Variants in AP1S2 observed in about 807,000 individuals in gnomAD.
AP1S2 encodes adaptor related protein complex 1 subunit sigma 2.
A neutral mutation model predicts 14.3 loss-of-function variants in AP1S2; 1 was observed. The observed-to-expected ratio is 0.07, with a 90% confidence interval of 0.02 to 0.33. The LOEUF (loss-of-function observed/expected upper bound fraction) is 0.33. Among genes scored for constraint, AP1S2 ranks in the 10% least tolerant of loss-of-function variants. The pLI, the probability that AP1S2 is intolerant of heterozygous loss-of-function variation, is 0.99. For synonymous variants in AP1S2, 30 were observed against 40.5 expected (o/e 0.74, Z 0.99); for missense variants, 30 against 117.7 (o/e 0.25, Z 3.45).
chrX:15,837,198 A>G (rs56876815), intron 4 of AP1S2, among the ~76,000 whole-genome samples: 1,687 of 112,187 alleles, frequency 0.015, 25 homozygotes, highest in African/African-American at 0.052. Flanking sequence ...AATTTCAAAT[A>G]CTCAAATGCT....
At chrX:15,839,556 C>T (rs1933762050) in intron 4 of AP1S2, among the ~76,000 whole-genome samples, 1 of 107,739 alleles carries the variant, frequency 9.3e-6, no homozygotes, top group Admixed American at 1.0e-4. Flanking sequence ...TCATGGCTCA[C>T]TATAGCCTGG....
chrX:15,843,419 G>A (rs1483849412), intron 4 of AP1S2, among the ~76,000 whole-genome samples: 1 of 111,157 alleles, frequency 9.0e-6, no homozygotes, highest in Non-Finnish European at 1.9e-5. Flanking sequence ...GCCAGGCATG[G>A]TAGTGCAAGC....
At chrX:15,838,393 ATTTTTAT>A (rs1230901397) in intron 4 of AP1S2, among the ~76,000 whole-genome samples, 1 of 111,446 alleles carries the variant, frequency 9.0e-6, no homozygotes, top group Non-Finnish European at 1.9e-5. Context: ...CAGAATGGGA[ATTTTTAT>A]TTTTAAAAAA....
chrX:15,828,255 T>A, intron 4 of AP1S2, 55 bp from the exon 5 acceptor site: 3 of 959,726 alleles, frequency 3.1e-6, no homozygotes, highest in Non-Finnish European at 4.2e-6. Context: ...AAACCATAAA[T>A]CTTTAGAATA....
At chrX:15,838,001 C>T in intron 4 of AP1S2, among the ~76,000 whole-genome samples, 1 of 111,861 alleles carries the variant, frequency 8.9e-6, no homozygotes. Context: ...CTTATTTATA[C>T]TGTGGTCTAC....
At chrX:15,838,549 A>G (rs1036747336) in intron 4 of AP1S2, among the ~76,000 whole-genome samples, 1 of 108,971 alleles carries the variant, frequency 9.2e-6, no homozygotes, top group Non-Finnish European at 1.9e-5. Flanking sequence ...GTCCCTGTGC[A>G]GGTTCCAACC....
intron 4 of AP1S2, among the ~76,000 whole-genome samples, chrX:15,839,094 C>T (rs369699155): frequency 7.9e-4 from 88 of 112,089 alleles, no homozygotes; most frequent in Admixed American, 1.2e-3. Context: ...ATTTGTCCTG[C>T]TTTCTGCCCT....
chrX:15,832,448 G>A (rs1346509866), intron 4 of AP1S2: 58 of 712,577 alleles, frequency 8.1e-5, no homozygotes, highest in Non-Finnish European at 9.3e-5. Context: ...AATTACAAAC[G>A]TATCTGAGGA....
chrX:15,840,860 G>A (rs1435121176), intron 4 of AP1S2, among the ~76,000 whole-genome samples: 1 of 111,768 alleles, frequency 8.9e-6, no homozygotes, highest in Non-Finnish European at 1.9e-5. Context: ...GGCATGTTAA[G>A]ACAGCCAAAC....
intron 1 of AP1S2, chrX:15,852,867 C>T (rs1007820579): frequency 4.9e-5 from 37 of 749,328 alleles, no homozygotes; most frequent in Non-Finnish European, 5.7e-5. Context: ...ATACATTGCG[C>T]ACTCTCTATA....
chrX:15,829,440 T>C (rs1933360192), intron 4 of AP1S2, among the ~76,000 whole-genome samples: 1 of 111,788 alleles, frequency 8.9e-6, no homozygotes, highest in Non-Finnish European at 1.9e-5. Context: ...AGCTTCTCCA[T>C]GTAAAAATGC....
intron 1 of AP1S2, among the ~76,000 whole-genome samples, chrX:15,854,230 G>C (rs895742914): frequency 3.6e-5 from 4 of 111,837 alleles, no homozygotes; most frequent in Non-Finnish European, 5.7e-5. Context: ...GCGCGGGCTC[G>C]GGGCCAGCGT....
chrX:15,852,418 T>C lies in AP1S2; in HGVS notation c.107A>G (p.Gln36Arg), dbSNP rs1343961639. The change falls in exon 2 of 6, where the codon CAG becomes CGG. Residue 36 changes from glutamine to arginine, a missense_variant. Around this residue, in one of 3 missense-constraint regions of AP1S2, gnomAD observed 13 missense variants for 52.9 expected, o/e 0.25. Coordinates refer to ENST00000672987, the MANE Select transcript of AP1S2 (RefSeq NM_001272071.2). ...EKKKITRELVQTVLARKPKMC... is the reference protein window; with the variant it reads ...EKKKITRELVRTVLARKPKMC... ...TTTAGGTTTCCGTGCTAAAACGGTC[T>C]GAACAAGTTCTCTTGTGATCTTTTT... 8.3e-7 allele frequency: 1 copy of C among 1,211,030 alleles called. No homozygotes were observed. Among genetic ancestry groups the C allele is most frequent in the Admixed American group, 2.2e-5 (1 of 46,057 alleles).
At chrX:15,853,085 A>T (rs1934226538) in intron 1 of AP1S2, among the ~76,000 whole-genome samples, 1 of 112,512 alleles carries the variant, frequency 8.9e-6, no homozygotes, top group Non-Finnish European at 1.9e-5. Context: ...AAAATCCCAT[A>T]AATACAAATT....
intron 1 of AP1S2, 127 bp downstream of exon 1, chrX:15,854,561 C>T: frequency 5.7e-6 from 1 of 175,065 alleles, no homozygotes; most frequent in Non-Finnish European, 9.1e-6. Flanking sequence ...GCGCGGCGAC[C>T]CAGTGGCGGG....
chrX:15,836,962 T>C (rs1469834678), intron 4 of AP1S2, among the ~76,000 whole-genome samples: 1 of 111,800 alleles, frequency 8.9e-6, no homozygotes, highest in East Asian at 2.8e-4. Flanking sequence ...GGGGTCTCAC[T>C]ATGTTGCCCA....
chrX:15,851,707 T>A (rs1299828407), intron 2 of AP1S2, among the ~76,000 whole-genome samples: 1 of 111,732 alleles, frequency 8.9e-6, no homozygotes, highest in Admixed American at 9.5e-5. Context: ...AATCTATGAG[T>A]CATTTTGTAA....
intron 4 of AP1S2, chrX:15,840,500 T>A (rs942373303): frequency 1.0e-6 from 1 of 957,915 alleles, no homozygotes; most frequent in African/African-American, 2.0e-5. Context: ...TAGTTACCAA[T>A]AAATAAGTTG....
intron 4 of AP1S2, among the ~76,000 whole-genome samples, chrX:15,828,752 C>CA (rs1436845981): frequency 1.0e-5 from 1 of 98,800 alleles, no homozygotes; most frequent in Non-Finnish European, 2.0e-5. Context: ...CATCCTGCAG[C>CA]ATAAATGACC....
Sources: allele counts gnomAD v4.1 joint callset (sites outside exome capture counted in the v4.1 genomes callset), GRCh38; gene constraint gnomAD v4.1.1; regional missense constraint gnomAD v4.1.1; transcripts MANE v1.5; gene names NCBI Gene and HGNC (gene_info 2026-07-23, HGNC 2026-07-21).